The following ANKRD6 variants were observed in gnomAD, a reference collection of about 807,000 sequenced individuals.
The protein encoded by ANKRD6 is ankyrin repeat domain 6, also known as ankyrin repeat domain-containing protein 6.
ANKRD6 carries 56 observed loss-of-function variants against 82.3 expected under a neutral mutation model. The ratio of observed to expected loss-of-function variants is 0.68; its 90% CI spans 0.55 to 0.85. The LOEUF (loss-of-function observed/expected upper bound fraction) is 0.85. ANKRD6 is among the 40% of genes least tolerant of loss of function. The pLI, the probability that ANKRD6 is intolerant of heterozygous loss-of-function variation, is 0.00. For missense variants in ANKRD6, 852 were observed against 907.6 expected (o/e 0.94, Z 0.79); for synonymous variants, 347 against 352.1 (o/e 0.99, Z 0.16).
intron 1 of ANKRD6, among the ~76,000 whole-genome samples, chr6:89,443,901 G>A (rs946080591): frequency 6.6e-6 from 1 of 152,256 alleles, no homozygotes; most frequent in African/African-American, 2.4e-5. Flanking sequence ...ATCACTCACT[G>A]TGTGAGCTTA....
chr6:89,585,837 G>A (rs756994504), intron 2 of ANKRD6, among the ~76,000 whole-genome samples: 1 of 152,302 alleles, frequency 6.6e-6, no homozygotes, highest in East Asian at 1.9e-4. Context: ...CCCTGGAGGC[G>A]GAGGTTGCAG....
chr6:89,457,554 C>A (rs563785867), intron 1 of ANKRD6, among the ~76,000 whole-genome samples: 22 of 152,270 alleles, frequency 1.4e-4, no homozygotes, highest in African/African-American at 5.3e-4. Flanking sequence ...ATCTGACTAA[C>A]AAAAACCATT....
intron 1 of ANKRD6, among the ~76,000 whole-genome samples, chr6:89,462,802 G>A (rs561452045): frequency 6.7e-6 from 1 of 150,278 alleles, no homozygotes; most frequent in Non-Finnish European, 1.5e-5. Context: ...TTTTAGAGAT[G>A]TTTTTACATT....
chr6:89,624,676 T>C lies in ANKRD6; in HGVS notation c.1356T>C (p.Asn452=). Residue 452 remains asparagine, a synonymous_variant, in exon 13 of 16, where the codon AAT becomes AAC. Transcript: ENST00000339746. ...KMNTKLGQME[N]KTQHQMRVLD... is the part of the protein sequence containing the mutation. ...ATACAAAGCTGGGGCAGATGGAGAATAAGACCCAGCACCAAGTATGTCATA... is the reference window on the plus strand; with the variant it reads ...ATACAAAGCTGGGGCAGATGGAGAACAAGACCCAGCACCAAGTATGTCATA... 1 of 1,604,156 alleles carries C rather than the reference T, an allele frequency of 6.2e-7. No homozygotes were observed. The highest frequency in any genetic ancestry group is 8.5e-7 in the Non-Finnish European group (1 of 1,175,264).
chr6:89,485,689 G>A (rs999603691), intron 1 of ANKRD6, among the ~76,000 whole-genome samples: 9 of 152,196 alleles, frequency 5.9e-5, no homozygotes, highest in Non-Finnish European at 8.8e-5. Context: ...CAACTCTGAC[G>A]AGGCAGAAGG....
chr6:89,610,452 A>C (rs1799939427), intron 5 of ANKRD6, among the ~76,000 whole-genome samples: 1 of 152,114 alleles, frequency 6.6e-6, no homozygotes, highest in African/African-American at 2.4e-5. Flanking sequence ...ATTGCTGAGG[A>C]GTATTCCATT....
At chr6:89,580,692 G>A (rs1267575003) in intron 2 of ANKRD6, among the ~76,000 whole-genome samples, 1 of 152,130 alleles carries the variant, frequency 6.6e-6, no homozygotes, top group Non-Finnish European at 1.5e-5. Flanking sequence ...TAAGGCAGGG[G>A]AGCAGTGGAA....
intron 2 of ANKRD6, among the ~76,000 whole-genome samples, chr6:89,567,931 C>G (rs138901495): frequency 1.3e-5 from 2 of 152,306 alleles, no homozygotes; most frequent in African/African-American, 2.4e-5. Context: ...TGAAGAGGGG[C>G]AAAGTTTAAT....
intron 1 of ANKRD6, among the ~76,000 whole-genome samples, chr6:89,437,311 A>G (rs528815771): frequency 3.3e-5 from 5 of 152,262 alleles, no homozygotes; most frequent in East Asian, 3.9e-4. Context: ...GACCCCAGAT[A>G]AGCCCGACCA....
At chr6:89,571,075 G>A (rs761401425) in intron 2 of ANKRD6, among the ~76,000 whole-genome samples, 20 of 151,760 alleles carry the variant, frequency 1.3e-4, no homozygotes, top group Non-Finnish European at 2.5e-4. Context: ...TTTTTGAGTC[G>A]GAGTCTCGCT....
In ANKRD6 at chr6:89,532,482, C is replaced by T. The variant is rs903680510; in HGVS notation, c.-143-34352C>T. ...AAATTTCCCTGGCTAGGTTTATTCCCTCTGATATATGTCACCAGAGCACAC... is the reference window on the plus strand; with the variant it reads ...AAATTTCCCTGGCTAGGTTTATTCCTTCTGATATATGTCACCAGAGCACAC... On this transcript the variant is annotated intron_variant, in intron 1 of 15. Coordinates refer to ENST00000339746, the MANE Select transcript of ANKRD6 (RefSeq NM_001242809.2). 2.6e-5 allele frequency among the ~76,000 whole-genome samples: 4 copies of T among 152,244 alleles called. 1 individual carries two copies. Among genetic ancestry groups the T allele is most frequent in the Admixed American group, 6.5e-5 (1 of 15,300 alleles).
In ANKRD6 at chr6:89,567,064, A is replaced by G; in HGVS notation, c.88A>G (p.Ile30Val). The change falls in exon 2 of 16, where the codon ATC becomes GTC. Residue 30 changes from isoleucine to valine, a missense_variant. Transcript: ENST00000339746. ...KGQTENVVQL[I>V]NKGARVAVTK... The stretch of plus-strand genomic sequence containing the variant: ...CCAAACAGAGAATGTGGTTCAGCTC[A>G]TCAACAAGGGCGCCAGGGTAGCGGT... 3 of 1,605,542 alleles carry G rather than the reference A, an allele frequency of 1.9e-6. No individual in the cohort carries two copies. Among genetic ancestry groups the G allele is most frequent in the Non-Finnish European group, 2.6e-6 (3 of 1,175,850 alleles).
At chr6:89,572,486 T>C (rs1191709592) in intron 2 of ANKRD6, among the ~76,000 whole-genome samples, 3 of 152,232 alleles carry the variant, frequency 2.0e-5, no homozygotes, top group Non-Finnish European at 4.4e-5. Flanking sequence ...GCTTGTCTTT[T>C]TACTCTGCTG....
intron 1 of ANKRD6, among the ~76,000 whole-genome samples, chr6:89,522,636 A>G (rs1197287468): frequency 1.3e-5 from 2 of 152,210 alleles, no homozygotes; most frequent in Non-Finnish European, 2.9e-5. Flanking sequence ...TGCTAAATCC[A>G]TGGGAGAGGT....
chr6:89,542,138 A>G (rs1784514884), intron 1 of ANKRD6, among the ~76,000 whole-genome samples: 1 of 152,210 alleles, frequency 6.6e-6, no homozygotes, highest in African/African-American at 2.4e-5. Flanking sequence ...TAAAAAACCA[A>G]GTTAGAAACA....
intron 1 of ANKRD6, among the ~76,000 whole-genome samples, chr6:89,529,177 G>C (rs902510219): frequency 2.6e-5 from 4 of 152,192 alleles, no homozygotes; most frequent in African/African-American, 9.7e-5. Flanking sequence ...TCCAGTAGAA[G>C]GCTGATTCAT....
chr6:89,547,201 G>A (rs986801738), intron 1 of ANKRD6, among the ~76,000 whole-genome samples: 20 of 152,196 alleles, frequency 1.3e-4, no homozygotes, highest in South Asian at 6.2e-4. Context: ...GTTATTTGGG[G>A]GGGGGGTTAC....
At chr6:89,446,747 C>T (rs1772133204) in intron 1 of ANKRD6, among the ~76,000 whole-genome samples, 1 of 152,168 alleles carries the variant, frequency 6.6e-6, no homozygotes, top group African/African-American at 2.4e-5. Context: ...TGAACTGTAG[C>T]TCCCATAATC....
chr6:89,591,800 C>T (rs1175790654), intron 2 of ANKRD6, among the ~76,000 whole-genome samples: 2 of 152,208 alleles, frequency 1.3e-5, no homozygotes, highest in African/African-American at 2.4e-5. Flanking sequence ...ACAGCTTCAG[C>T]TTCTATAGGA....
Sources: allele counts gnomAD v4.1 joint callset (sites outside exome capture counted in the v4.1 genomes callset), GRCh38; gene constraint gnomAD v4.1.1; transcripts MANE v1.5; gene names NCBI Gene and HGNC (gene_info 2026-07-23, HGNC 2026-07-21).